RAB11FIP3: variants seen among roughly 807,000 people sequenced by gnomAD.
RAB11FIP3 encodes RAB11 family interacting protein 3.
Under a neutral mutation model 77.8 loss-of-function variants are expected in RAB11FIP3, and 17 were observed. That is an observed-to-expected ratio of 0.22 (90% CI 0.15 to 0.33). The LOEUF is 0.33. Ranked by LOEUF, RAB11FIP3 falls within the 10% of genes least tolerant of loss-of-function variation. The pLI is 1.00. For missense variants in RAB11FIP3, 1,005 were observed against 1,011.2 expected, an observed-to-expected ratio of 0.99 and a Z score of 0.08; for synonymous variants, 437 against 448.2, an observed-to-expected ratio of 0.98 and a Z score of 0.31.
chr16:497,115 C>G (rs1264506776), intron 6 of RAB11FIP3: 5 of 574,510 alleles, frequency 8.7e-6, no homozygotes, highest in Non-Finnish European at 1.4e-5. Context: ...TGTGTGTTCA[C>G]TAAGGTCTGG....
intron 3 of RAB11FIP3, among the ~76,000 whole-genome samples, chr16:479,654 A>T (rs1319244744): frequency 6.6e-6 from 1 of 152,190 alleles, no homozygotes; most frequent in Non-Finnish European, 1.5e-5. Context: ...CAGGCTCAGT[A>T]GCTCACACCC....
At chr16:513,998 A>C (rs1247830889) in intron 9 of RAB11FIP3, among the ~76,000 whole-genome samples, 5 of 152,350 alleles carry the variant, frequency 3.3e-5, no homozygotes, top group Middle Eastern at 3.4e-3. Context: ...GTTGGGGCAC[A>C]GCCGTGTGGA....
intron 2 of RAB11FIP3, among the ~76,000 whole-genome samples, chr16:470,823 T>G (rs2141681529): frequency 6.6e-6 from 1 of 152,304 alleles, no homozygotes; most frequent in East Asian, 1.9e-4. Context: ...AAATGAAAAC[T>G]GCGCGTGAAC....
At chr16:478,821 C>G (rs2055974799) in intron 3 of RAB11FIP3, among the ~76,000 whole-genome samples, 1 of 151,892 alleles carries the variant, frequency 6.6e-6, no homozygotes, top group African/African-American at 2.4e-5. Context: ...CAAAAATTAG[C>G]TGGGCACAGT....
chr16:440,373 C>T (rs1051454193), intron 1 of RAB11FIP3, among the ~76,000 whole-genome samples: 11 of 152,136 alleles, frequency 7.2e-5, no homozygotes, highest in African/African-American at 2.7e-4. Flanking sequence ...TCAAGTGATC[C>T]GCCCACCTTG....
chr16:434,963 T>G (rs1342468603), intron 1 of RAB11FIP3, among the ~76,000 whole-genome samples: 5 of 152,080 alleles, frequency 3.3e-5, no homozygotes, highest in African/African-American at 7.2e-5. Flanking sequence ...CCCAGCACTT[T>G]GGGAGGCCAA....
intron 5 of RAB11FIP3, among the ~76,000 whole-genome samples, chr16:492,600 CGT>C (rs2030667998): frequency 6.6e-6 from 1 of 150,926 alleles, no homozygotes; most frequent in African/African-American, 2.5e-5. Flanking sequence ...TTTCTGCCTG[CGT>C]GTGTGTTCAG....
At chr16:492,824 A>G (rs1596272665) in intron 5 of RAB11FIP3, among the ~76,000 whole-genome samples, 1 of 152,160 alleles carries the variant, frequency 6.6e-6, no homozygotes, top group Non-Finnish European at 1.5e-5. Flanking sequence ...ATTGAGAACT[A>G]GCTCCAAGAT....
Position 509,738 on chromosome 16 carries a change from G to A in RAB11FIP3, c.1500-922G>A, listed in dbSNP as rs577631995. ...CACTTCCCCAGCCTGGAGGGGACTG[G>A]GAGCAGAGTGGGCCCCCCCCCCACT... On this transcript the variant is annotated intron_variant, in intron 8 of 13. Coordinates refer to ENST00000262305, the MANE Select transcript of RAB11FIP3 (RefSeq NM_014700.4). Among the ~76,000 whole-genome samples the A allele has an allele frequency of 3.9e-5, 6 of 152,268 alleles. No individual in the cohort carries two copies. In the East Asian group the frequency reaches 1.2e-3, roughly 29 times the overall value.
intron 5 of RAB11FIP3, among the ~76,000 whole-genome samples, chr16:491,572 C>G (rs1265873771): frequency 6.6e-6 from 1 of 152,252 alleles, no homozygotes; most frequent in African/African-American, 2.4e-5. Flanking sequence ...AGATTTCTTT[C>G]ATTGAGCTCA....
At chr16:447,803 ACT>A (rs1186640933) in intron 1 of RAB11FIP3, among the ~76,000 whole-genome samples, 3 of 152,154 alleles carry the variant, frequency 2.0e-5, no homozygotes, top group Admixed American at 6.5e-5. Context: ...TCATTAAGAG[ACT>A]CATGCTCAGA....
chr16:505,453 G>T lies in RAB11FIP3; in HGVS notation c.1396-71G>T. The stretch of plus-strand genomic sequence containing the variant: ...AGAAAATCCCCAGGCGGCCTCCCAG[G>T]TTGTTCCCTTGGGGGTGCAGGCCCT... On this transcript the variant is annotated intron_variant, in intron 7 of 13. Transcript: ENST00000262305. The surrounding 1 kb of genome is among the most constrained non-coding windows in gnomAD (Gnocchi z 4.0). 7.9e-7 allele frequency: 1 copy of T among 1,273,420 alleles called. No individual in the cohort carries two copies. Among genetic ancestry groups the T allele is most frequent in the Non-Finnish European group, 1.1e-6 (1 of 916,898 alleles). The allele number at this position is 1,273,420 out of a possible 1,614,324, so 78.9% of individuals were successfully genotyped here.
chr16:459,672 G>A (rs1049384086), intron 1 of RAB11FIP3, among the ~76,000 whole-genome samples: 9 of 151,904 alleles, frequency 5.9e-5, no homozygotes, highest in Non-Finnish European at 8.8e-5. Flanking sequence ...CCTGACCTTC[G>A]GTGATCCCAT....
Position 510,810 on chromosome 16 carries a change from T to C in RAB11FIP3, c.1640+10T>C. The C allele has an allele frequency of 6.2e-7, 1 of 1,611,280 alleles. No individual in the cohort carries two copies. Among genetic ancestry groups the C allele is most frequent in the Non-Finnish European group, 8.5e-7 (1 of 1,179,060 alleles). On this transcript the variant is annotated intron_variant, in intron 9 of 13. Coordinates refer to ENST00000262305, the MANE Select transcript of RAB11FIP3 (RefSeq NM_014700.4). ...AGAACCTGCAGACCAGGTAGGCGGT[T>C]CCCAACAGCCCATCCACCCCAGAAC...
chr16:464,359 G>C (rs768392191), intron 2 of RAB11FIP3, among the ~76,000 whole-genome samples: 3 of 152,158 alleles, frequency 2.0e-5, no homozygotes, highest in Non-Finnish European at 4.4e-5. Context: ...TTGTCCTTCT[G>C]TACAAAGCTT....
chr16:451,342 C>T (rs2055404608), intron 1 of RAB11FIP3: 1 of 152,194 alleles, frequency 6.6e-6, no homozygotes, highest in African/African-American at 2.4e-5. Flanking sequence ...CTGCCTCACC[C>T]CTGCACCTCA....
At chr16:496,080 A>G (rs2031103466) in intron 5 of RAB11FIP3, among the ~76,000 whole-genome samples, 1 of 152,140 alleles carries the variant, frequency 6.6e-6, no homozygotes, top group African/African-American at 2.4e-5. Flanking sequence ...CTGACCCTGG[A>G]AAGAAAATCA....
intron 12 of RAB11FIP3, 39 bp downstream of exon 12, chr16:520,316 G>C: frequency 3.2e-6 from 5 of 1,551,304 alleles, no homozygotes; most frequent in Non-Finnish European, 4.3e-6. Flanking sequence ...CACTCCTGCA[G>C]AAGCTTCCAC....
chr16:511,494 G>A (rs1455764645), intron 9 of RAB11FIP3, among the ~76,000 whole-genome samples: 1 of 114,000 alleles, frequency 8.8e-6, no homozygotes. Context: ...GAAGTTCCCC[G>A]ACGGCCCGCC....
Sources: gnomAD v4.1 joint callset for allele counts (sites outside exome capture counted in the v4.1 genomes callset) on GRCh38, gnomAD v4.1.1 for gene constraint, Gnocchi (gnomAD v3.1) non-coding constraint, MANE v1.5 for transcripts, NCBI Gene and HGNC (gene_info 2026-07-23, HGNC 2026-07-21) for gene names.